The following ERAP1 variants were observed in gnomAD, a reference collection of about 807,000 sequenced individuals.
The protein encoded by ERAP1 is adipocyte-derived leucine aminopeptidase.
A neutral mutation model predicts 103.7 loss-of-function variants in ERAP1; 86 were observed. The observed-to-expected ratio is 0.83, with a 90% CI of 0.70 to 0.99. The LOEUF (loss-of-function observed/expected upper bound fraction) is 0.99, where lower values mean the gene tolerates loss of function less well. Among genes scored for constraint, ERAP1 ranks in the 50% least tolerant of loss-of-function variants. The probability of loss-of-function intolerance (pLI) is 0.00; values close to 1 mark genes in which losing one functional copy is unlikely to be tolerated. For missense variants in ERAP1, 1,009 were observed against 1,128.4 expected, an observed-to-expected ratio of 0.89 and a Z score of 1.52; for synonymous variants, 398 against 402.4, an observed-to-expected ratio of 0.99 and a Z score of 0.13.
chr5:96,803,606 G>C lies in ERAP1; in HGVS notation c.321C>G (p.Leu107=), dbSNP rs1320567312. Residue 107 remains leucine (L), a synonymous_variant, in exon 2 of 19, where the codon CTC becomes CTG. Transcript: ENST00000443439. ...ATAGCCTCTCTCCAGCTCCCTTCCT[G>C]AGGGTGGCCCTAGATATCTGCAGGT... ...SHHLQISRAT[L]RKGAGERLSE... is the part of the protein sequence containing the mutation. 5 of 1,614,204 alleles carry C rather than the reference G, an allele frequency of 3.1e-6. No homozygotes were observed. The highest frequency in any genetic ancestry group is 4.2e-6 in the Non-Finnish European group (5 of 1,180,034).
the ERAP1 span, among the ~76,000 whole-genome samples, chr5:96,844,083 A>G: frequency 2.0e-5 from 3 of 152,142 alleles, no homozygotes; most frequent in Non-Finnish European, 4.4e-5. Flanking sequence ...TTGGCGCCCT[A>G]CAAATAAACA....
chr5:96,875,572 A>T, the ERAP1 span, among the ~76,000 whole-genome samples: 1 of 151,944 alleles, frequency 6.6e-6, no homozygotes, highest in Non-Finnish European at 1.5e-5. Context: ...AAAAATCAAC[A>T]GGCTTTGGTA....
At chr5:96,791,690 T>A (rs190497417) in intron 8 of ERAP1, among the ~76,000 whole-genome samples, 68 of 152,356 alleles carry the variant, frequency 4.5e-4, no homozygotes, top group African/African-American at 1.6e-3. Flanking sequence ...GACAATTATT[T>A]GCGTCTCAAC....
chr5:96,787,286 A>G (rs1418867247), intron 11 of ERAP1, among the ~76,000 whole-genome samples: 2 of 152,108 alleles, frequency 1.3e-5, no homozygotes, highest in Non-Finnish European at 2.9e-5. Context: ...TTGTTTTGAG[A>G]TGGAGTTTCG....
chr5:96,898,381 C>T, the ERAP1 span, among the ~76,000 whole-genome samples: 4 of 151,668 alleles, frequency 2.6e-5, no homozygotes, highest in African/African-American at 9.7e-5. Context: ...TATTTCACAG[C>T]TCCTATTTTT....
chr5:96,908,145 A>G, the ERAP1 span, among the ~76,000 whole-genome samples: 1 of 152,216 alleles, frequency 6.6e-6, no homozygotes. Flanking sequence ...TGATAAGCCC[A>G]GAGGAGACAC....
chr5:96,892,475 A>G, the ERAP1 span: 2 of 1,612,864 alleles, frequency 1.2e-6, no homozygotes, highest in Non-Finnish European at 1.7e-6. Flanking sequence ...TCATGACATT[A>G]TCTCGATATC....
chr5:96,854,825 T>C, the ERAP1 span, among the ~76,000 whole-genome samples: 1 of 152,192 alleles, frequency 6.6e-6, no homozygotes, highest in Non-Finnish European at 1.5e-5. Context: ...GTCACTTCTA[T>C]AGAAAGAAGT....
intron 13 of ERAP1, chr5:96,785,483 G>C (rs1240342361): frequency 2.5e-6 from 1 of 393,968 alleles, no homozygotes; most frequent in African/African-American, 2.1e-5. Flanking sequence ...CCATGCCGCG[G>C]GGACAAGGCA....
the ERAP1 span, among the ~76,000 whole-genome samples, chr5:96,864,063 C>T: frequency 6.6e-6 from 1 of 151,968 alleles, no homozygotes; most frequent in Middle Eastern, 3.2e-3. Context: ...AAGGTGGGTA[C>T]ATTCATATAC....
At chr5:96,841,858 G>T in the ERAP1 span, among the ~76,000 whole-genome samples, 1 of 149,614 alleles carries the variant, frequency 6.7e-6, no homozygotes, top group Non-Finnish European at 1.5e-5. Flanking sequence ...TTCTTTAGTG[G>T]TGATTTTTTG....
the ERAP1 span, among the ~76,000 whole-genome samples, chr5:96,922,567 T>TG: frequency 6.6e-6 from 1 of 152,184 alleles, no homozygotes; most frequent in African/African-American, 2.4e-5. Context: ...TCTAGCTGGC[T>TG]GGGGGCAAAC....
the ERAP1 span, among the ~76,000 whole-genome samples, chr5:96,878,192 T>C: frequency 6.6e-6 from 1 of 150,656 alleles, no homozygotes; most frequent in Admixed American, 6.7e-5. Flanking sequence ...TTAATTGTGC[T>C]TTCAAAAGTA....
the ERAP1 span, among the ~76,000 whole-genome samples, chr5:96,925,019 C>T: frequency 6.6e-6 from 1 of 152,140 alleles, no homozygotes; most frequent in Non-Finnish European, 1.5e-5. Context: ...TAGGTAGGCC[C>T]CATCCAACCT....
At chr5:96,913,608 C>T in the ERAP1 span, 3 of 871,648 alleles carry the variant, frequency 3.4e-6, no homozygotes, top group South Asian at 3.0e-5. Context: ...CTCCCTAGCC[C>T]AAATTATCCT....
chr5:96,829,817 T>C, the ERAP1 span, among the ~76,000 whole-genome samples: 1 of 152,186 alleles, frequency 6.6e-6, no homozygotes, highest in Non-Finnish European at 1.5e-5. Context: ...TAAATATCTC[T>C]CATCAATAGA....
the ERAP1 span, among the ~76,000 whole-genome samples, chr5:96,889,830 A>G: frequency 1.1e-5 from 1 of 90,842 alleles, no homozygotes; most frequent in South Asian, 4.8e-4. Flanking sequence ...TAAAAAATAC[A>G]TACACACACA....
At chr5:96,898,015 G>A in the ERAP1 span, among the ~76,000 whole-genome samples, 13 of 152,234 alleles carry the variant, frequency 8.5e-5, no homozygotes, top group Non-Finnish European at 1.2e-4. Flanking sequence ...TGGCCAATTC[G>A]TGGAACCCCG....
At chr5:96,925,123 T>C in the ERAP1 span, among the ~76,000 whole-genome samples, 3 of 152,330 alleles carry the variant, frequency 2.0e-5, no homozygotes, top group South Asian at 6.2e-4. Context: ...GTTATAGAAA[T>C]TGGTTTGCTA....
Sources: allele counts gnomAD v4.1 joint callset (sites outside exome capture counted in the v4.1 genomes callset), GRCh38; gene constraint gnomAD v4.1.1; transcripts MANE v1.5; gene names NCBI Gene and HGNC (gene_info 2026-07-23, HGNC 2026-07-21).